The following ADAMTS12 variants were observed in gnomAD, a reference collection of about 807,000 sequenced individuals.
ADAMTS12 encodes ADAM metallopeptidase with thrombospondin type 1 motif 12.
A neutral mutation model predicts 167.8 loss-of-function variants in ADAMTS12; 118 were observed. The observed-to-expected ratio is 0.70, with a 90% CI of 0.61 to 0.82. The LOEUF is 0.82. ADAMTS12 is among the 40% of genes least tolerant of loss of function. The probability of loss-of-function intolerance (pLI) is 0.00; values close to 1 mark genes in which losing one functional copy is unlikely to be tolerated. For synonymous variants in ADAMTS12, 704 were observed against 716.9 expected, an observed-to-expected ratio of 0.98 and a Z score of 0.29; for missense variants, 1,916 against 1,998.8, an observed-to-expected ratio of 0.96 and a Z score of 0.79.
At chr5:33,632,049 T>G (rs10941074) in intron 12 of ADAMTS12, among the ~76,000 whole-genome samples, 78,387 of 152,042 alleles carry the variant, frequency 0.52, 21,740 homozygotes, top group East Asian at 0.61. Context: ...AATGTAACCA[T>G]GAGCAAAAGC....
At chr5:33,874,369 C>T (rs2111748137) in intron 2 of ADAMTS12, among the ~76,000 whole-genome samples, 1 of 152,162 alleles carries the variant, frequency 6.6e-6, no homozygotes, top group Middle Eastern at 3.4e-3. Flanking sequence ...CAAATTAAAA[C>T]AAAAATGAGA....
rs376276223 is a variant in ADAMTS12, at chr5:33,844,769, C to G, written c.489+36350G>C. Among the ~76,000 whole-genome samples, 16 of 152,258 alleles carry G rather than the reference C, an allele frequency of 1.1e-4. No homozygotes were observed. The East Asian group carries it at 1.2e-3, about 11-fold the overall frequency. ...TAGACTCCCTTCCCTTTGAAAATCA[C>G]TAATAAAAACTTGCTGGTTTTGCGG... On this transcript the variant is annotated intron_variant, in intron 2 of 23. Transcript: ENST00000504830.
At chr5:33,750,905 T>C (rs10036181) in intron 3 of ADAMTS12, among the ~76,000 whole-genome samples, 4,756 of 152,296 alleles carry the variant, frequency 0.031, 175 homozygotes, top group East Asian at 0.15. Context: ...TGACAATGTG[T>C]TGATAATTTT....
chr5:33,870,091 A>G (rs755856740), intron 2 of ADAMTS12, among the ~76,000 whole-genome samples: 1 of 152,216 alleles, frequency 6.6e-6, no homozygotes, highest in African/African-American at 2.4e-5. Context: ...CCAGGCACTC[A>G]GACCTAATGG....
At chr5:33,782,995 A>G (rs919801917) in intron 2 of ADAMTS12, among the ~76,000 whole-genome samples, 1 of 152,082 alleles carries the variant, frequency 6.6e-6, no homozygotes, top group African/African-American at 2.4e-5. Flanking sequence ...CATGCCAACT[A>G]TTCTCCAGGG....
At chr5:33,872,585 C>G (rs114973900) in intron 2 of ADAMTS12, among the ~76,000 whole-genome samples, 2 of 151,610 alleles carry the variant, frequency 1.3e-5, no homozygotes, top group Admixed American at 6.6e-5. Flanking sequence ...AAGAAAACTA[C>G]AGACCAATTT....
At chr5:33,669,302 A>G (rs74513434) in intron 5 of ADAMTS12, among the ~76,000 whole-genome samples, 1 of 152,116 alleles carries the variant, frequency 6.6e-6, no homozygotes, top group Admixed American at 6.6e-5. Context: ...CGTTGTAATG[A>G]TATCATCCAG....
At chr5:33,779,612 T>C (rs1490420712) in intron 2 of ADAMTS12, among the ~76,000 whole-genome samples, 1 of 152,180 alleles carries the variant, frequency 6.6e-6, no homozygotes, top group Admixed American at 6.5e-5. Flanking sequence ...ATGTAGTGTA[T>C]ATGTACAGCA....
intron 2 of ADAMTS12, among the ~76,000 whole-genome samples, chr5:33,798,434 C>CTTTTTT (rs3037113): frequency 6.1e-4 from 42 of 69,262 alleles, no homozygotes; most frequent in South Asian, 1.3e-3. Flanking sequence ...TTCTTTGTAT[C>CTTTTTT]TTTTTTTTTT....
intron 20 of ADAMTS12, among the ~76,000 whole-genome samples, chr5:33,559,243 G>A (rs1364677985): frequency 6.6e-6 from 1 of 152,168 alleles, no homozygotes; most frequent in African/African-American, 2.4e-5. Flanking sequence ...GCTATCAAGA[G>A]GAACCAGCTC....
Position 33,541,935 on chromosome 5 carries a change from G to A in ADAMTS12, c.4446+4124C>T, listed in dbSNP as rs370337601. Among the ~76,000 whole-genome samples, 37 of 152,168 alleles carry A rather than the reference G, an allele frequency of 2.4e-4. No homozygotes were observed. In the East Asian group the frequency reaches 3.3e-3, roughly 13 times the overall value. On this transcript the variant is annotated intron_variant, in intron 22 of 23. Transcript: ENST00000504830. ...CTAGGAAGAAACTGCATCAATTAACGGGCAAAATAACCAGCTAGCATCATA... is the reference window on the plus strand; with the variant it reads ...CTAGGAAGAAACTGCATCAATTAACAGGCAAAATAACCAGCTAGCATCATA...
chr5:33,533,136 A>G (rs966419275), intron 23 of ADAMTS12, among the ~76,000 whole-genome samples: 2 of 152,238 alleles, frequency 1.3e-5, no homozygotes, highest in Non-Finnish European at 2.9e-5. Flanking sequence ...ACTACCATCT[A>G]TGCATTTAAC....
Position 33,881,259 on chromosome 5 carries a change from A to T in ADAMTS12, c.349T>A (p.Tyr117Asn). 2 of 1,614,192 alleles carry T rather than the reference A, an allele frequency of 1.2e-6. No individual in the cohort carries two copies. The highest frequency in any genetic ancestry group is 1.7e-6 in the Non-Finnish European group (2 of 1,180,036). The change falls in exon 2 of 24, where the codon TAC becomes AAC. Residue 117 changes from tyrosine to asparagine, a missense_variant. Transcript: ENST00000504830. ...TVNQGFLSNS[Y>N]IMEKRYGNLS... Reference sequence around the variant, plus strand: ...TTCCCATATCTCTTCTCCATGATGTAGCTATTGGAAAGAAATCCTTGATTG... The same window carrying T: ...TTCCCATATCTCTTCTCCATGATGTTGCTATTGGAAAGAAATCCTTGATTG...
chr5:33,608,609 C>T (rs941775428), intron 16 of ADAMTS12, among the ~76,000 whole-genome samples: 3 of 152,254 alleles, frequency 2.0e-5, no homozygotes, highest in South Asian at 2.1e-4. Flanking sequence ...AATGAACCCA[C>T]CTTTTCACGT....
chr5:33,624,164 A>G lies in ADAMTS12; in HGVS notation c.2143+67T>C, dbSNP rs1184723649. 7.5e-6 allele frequency: 12 copies of G among 1,600,256 alleles called. No individual in the cohort carries two copies. In the East Asian group the frequency reaches 2.5e-4, roughly 33 times the overall value. On this transcript the variant is annotated intron_variant, in intron 14 of 23. Transcript: ENST00000504830. Reference sequence around the variant, plus strand: ...GAAATAAAAACAAAAACTAGGAACCAATCAACCATTTATCTTGCCCCCCAC... The same window carrying G: ...GAAATAAAAACAAAAACTAGGAACCGATCAACCATTTATCTTGCCCCCCAC...
intron 5 of ADAMTS12, among the ~76,000 whole-genome samples, chr5:33,680,287 A>T (rs1453563444): frequency 1.3e-5 from 2 of 152,052 alleles, no homozygotes; most frequent in Non-Finnish European, 2.9e-5. Flanking sequence ...CCTTCAAACA[A>T]CTTCACTGGC....
chr5:33,692,348 G>T (rs1742580959), intron 3 of ADAMTS12, among the ~76,000 whole-genome samples: 1 of 152,182 alleles, frequency 6.6e-6, no homozygotes, highest in Non-Finnish European at 1.5e-5. Flanking sequence ...TAATATAGAA[G>T]ATAGACAATA....
At chr5:33,545,285 G>C (rs563723953) in intron 22 of ADAMTS12, among the ~76,000 whole-genome samples, 181 of 152,342 alleles carry the variant, frequency 1.2e-3, no homozygotes, top group African/African-American at 4.2e-3. Context: ...GGTCATCAGA[G>C]AAATGCAAAT....
chr5:33,765,507 C>G (rs1478575523), intron 2 of ADAMTS12, among the ~76,000 whole-genome samples: 1 of 152,140 alleles, frequency 6.6e-6, no homozygotes, highest in Non-Finnish European at 1.5e-5. Context: ...TTACTTCAAG[C>G]ACATTAAAAA....
Sources: gnomAD v4.1 joint callset for allele counts (sites outside exome capture counted in the v4.1 genomes callset) on GRCh38, gnomAD v4.1.1 for gene constraint, MANE v1.5 for transcripts, NCBI Gene and HGNC (gene_info 2026-07-23, HGNC 2026-07-21) for gene names.